The following RGS7 variants were observed in gnomAD, a reference collection of about 807,000 sequenced individuals.
RGS7 encodes the protein regulator of G-protein signaling 7.
In RGS7, 27 loss-of-function variants were observed where a neutral mutation model predicts 81.1. The ratio of observed to expected loss-of-function variants is 0.33; its 90% CI spans 0.25 to 0.46. RGS7 has a LOEUF of 0.46. RGS7 is among the 20% of genes least tolerant of loss of function. The pLI is 1.00. For synonymous variants in RGS7, 208 were observed against 207.7 expected, an observed-to-expected ratio of 1.00 and a Z score of -0.01; for missense variants, 396 against 607.4, an observed-to-expected ratio of 0.65 and a Z score of 3.66.
chr1:240,801,639 C>T, intron 16 of RGS7, 131 bp from the exon 17 acceptor site: 1 of 740,882 alleles, frequency 1.3e-6, no homozygotes, highest in Non-Finnish European at 2.4e-6. Flanking sequence ...TGTTCTAAAT[C>T]AGAAGGCCCA....
At chr1:241,120,105 T>G (rs536923343) in intron 2 of RGS7, among the ~76,000 whole-genome samples, 1 of 152,320 alleles carries the variant, frequency 6.6e-6, no homozygotes, top group East Asian at 1.9e-4. Flanking sequence ...CTTGGCATAT[T>G]ATGAGGCCCT....
chr1:240,780,654 G>A (rs992633170), intron 18 of RGS7, among the ~76,000 whole-genome samples: 2 of 151,888 alleles, frequency 1.3e-5, no homozygotes, highest in Non-Finnish European at 2.9e-5. Context: ...GGTGGCTGAC[G>A]CCTGTAATCT....
chr1:240,822,491 T>C (rs765664834), intron 10 of RGS7, among the ~76,000 whole-genome samples: 1 of 152,126 alleles, frequency 6.6e-6, no homozygotes. Flanking sequence ...ATGCACAAAA[T>C]ATCAAAAATA....
At chr1:241,084,995 G>A (rs1285329342) in intron 3 of RGS7, among the ~76,000 whole-genome samples, 4 of 152,110 alleles carry the variant, frequency 2.6e-5, no homozygotes, top group South Asian at 2.1e-4. Context: ...TTATTTGATC[G>A]CCGCCAACAG....
At chr1:240,792,785 G>A (rs889232236) in intron 18 of RGS7, among the ~76,000 whole-genome samples, 1 of 152,176 alleles carries the variant, frequency 6.6e-6, no homozygotes, top group Non-Finnish European at 1.5e-5. Flanking sequence ...AGTAATTTGT[G>A]TTCATATCTG....
At chr1:240,857,673 T>C (rs189781384) in intron 9 of RGS7, among the ~76,000 whole-genome samples, 3 of 152,292 alleles carry the variant, frequency 2.0e-5, no homozygotes, top group Admixed American at 2.0e-4. Flanking sequence ...GTACGATGCA[T>C]TTAAAGTCCT....
intron 9 of RGS7, among the ~76,000 whole-genome samples, chr1:240,837,661 A>G (rs1187553481): frequency 6.6e-6 from 1 of 152,178 alleles, no homozygotes; most frequent in Non-Finnish European, 1.5e-5. Context: ...AATCTAGGCT[A>G]TGTCTCTGGT....
At chr1:241,223,317 A>AT (rs1167141213) in intron 2 of RGS7, among the ~76,000 whole-genome samples, 1 of 152,216 alleles carries the variant, frequency 6.6e-6, no homozygotes, top group Non-Finnish European at 1.5e-5. Flanking sequence ...GGCCATGTGG[A>AT]TGTCCCTGGT....
At chr1:241,209,432 A>T (rs1220525390) in intron 2 of RGS7, among the ~76,000 whole-genome samples, 1 of 152,296 alleles carries the variant, frequency 6.6e-6, no homozygotes, top group Non-Finnish European at 1.5e-5. Flanking sequence ...TACAAATAAG[A>T]CTTAGGAGTT....
chr1:241,325,810 G>A (rs1376142510), intron 2 of RGS7, among the ~76,000 whole-genome samples: 1 of 152,138 alleles, frequency 6.6e-6, no homozygotes, highest in Non-Finnish European at 1.5e-5. Context: ...GGGAAGGGAG[G>A]AGGAAGAGGA....
At chr1:240,892,117 A>G (rs1668375523) in intron 6 of RGS7, among the ~76,000 whole-genome samples, 1 of 152,200 alleles carries the variant, frequency 6.6e-6, no homozygotes, top group African/African-American at 2.4e-5. Context: ...TAAGTTAATT[A>G]AATCAGAGTA....
chr1:241,180,301 G>T (rs1461318021), intron 2 of RGS7, among the ~76,000 whole-genome samples: 1 of 152,118 alleles, frequency 6.6e-6, no homozygotes, highest in Non-Finnish European at 1.5e-5. Context: ...CGTGAACCCG[G>T]GAGGCGGAGA....
At chr1:241,291,820 C>T (rs2079107982) in intron 2 of RGS7, among the ~76,000 whole-genome samples, 1 of 152,104 alleles carries the variant, frequency 6.6e-6, no homozygotes, top group South Asian at 2.1e-4. Flanking sequence ...AGGTGATCCA[C>T]CCGCCTCAGC....
intron 3 of RGS7, among the ~76,000 whole-genome samples, chr1:241,049,479 GTCCTCATCCTTTTGTTAAACTTTCCTCAT>G (rs1224473604): frequency 2.0e-4 from 30 of 152,244 alleles, no homozygotes; most frequent in Non-Finnish European, 1.9e-4. Context: ...AGACCCTGTA[GTCCTCATCCTTTTGTTAAACTTTCCTCAT>G]GACTTTGCTA....
chr1:240,843,944 G>A (rs1229044633), intron 9 of RGS7, among the ~76,000 whole-genome samples: 1 of 152,084 alleles, frequency 6.6e-6, no homozygotes, highest in African/African-American at 2.4e-5. Flanking sequence ...TGAAATCAGA[G>A]TCCATGCTGG....
rs373062978 is a variant in RGS7, at chr1:240,966,914, G to A, written c.226+16165C>T. ...TTAATGTTAATATTCTCTGTTAAGT[G>A]CATTCAATTCAACAATGTTTACTGG... On this transcript the variant is annotated intron_variant, in intron 4 of 18. Transcript: ENST00000440928. Among the ~76,000 whole-genome samples, 172 of 152,300 alleles carry A rather than the reference G, an allele frequency of 1.1e-3. 1 individual carries two copies. Among genetic ancestry groups the A allele is most frequent in the African/African-American group, 3.9e-3 (162 of 41,556 alleles).
intron 3 of RGS7, among the ~76,000 whole-genome samples, chr1:241,018,045 C>T (rs1558603293): frequency 1.3e-5 from 2 of 151,728 alleles, no homozygotes; most frequent in African/African-American, 4.8e-5. Flanking sequence ...CAGCTCACTG[C>T]AACTTCCATC....
chr1:240,813,649 C>T lies in RGS7; in HGVS notation c.925G>A (p.Asp309Asn), dbSNP rs1369810017. 2 of 1,613,376 alleles carry T rather than the reference C, an allele frequency of 1.2e-6. No individual in the cohort carries two copies. The highest frequency in any genetic ancestry group is 1.1e-5 in the South Asian group (1 of 91,074). The change falls in exon 13 of 19, where the codon GAT becomes AAT. Residue 309 changes from aspartate to asparagine, a missense_variant. Physicochemically the swap from Asp to Asn is conservative, Grantham distance 23 (BLOSUM62 1). Transcript: ENST00000440928. ...TCAAGTTCCCAGAAAGTGGTGTCAT[C>T]GGACAGCCATGGGTTAGAAGGGTCA... ...PPDPSNPWLS[D>N]DTTFWELEAS...
intron 6 of RGS7, among the ~76,000 whole-genome samples, chr1:240,891,951 G>A (rs1170560641): frequency 6.6e-6 from 1 of 152,212 alleles, no homozygotes; most frequent in African/African-American, 2.4e-5. Flanking sequence ...GACAGAGCCA[G>A]GGCTGGAATA....
Sources: allele counts gnomAD v4.1 joint callset (sites outside exome capture counted in the v4.1 genomes callset), GRCh38; gene constraint gnomAD v4.1.1; transcripts MANE v1.5; gene names NCBI Gene and HGNC (gene_info 2026-07-23, HGNC 2026-07-21).